FBXL7: variants seen among roughly 807,000 people sequenced by gnomAD.
FBXL7 encodes F-box and leucine rich repeat protein 7.
Under a neutral mutation model 38.3 loss-of-function variants are expected in FBXL7, and 12 were observed. That is an observed-to-expected ratio of 0.31 (90% CI 0.20 to 0.51). The LOEUF (loss-of-function observed/expected upper bound fraction) is 0.51. Among genes scored for constraint, FBXL7 ranks in the 20% least tolerant of loss-of-function variants. FBXL7 has a pLI of 0.98. For synonymous variants in FBXL7, 297 were observed against 300.9 expected (o/e 0.99, Z 0.13); for missense variants, 567 against 676.4 (o/e 0.84, Z 1.79).
chr5:15,729,603 G>A (rs1448990908), intron 2 of FBXL7, among the ~76,000 whole-genome samples: 1 of 152,100 alleles, frequency 6.6e-6, no homozygotes, highest in Non-Finnish European at 1.5e-5. Flanking sequence ...TGTATCAGTA[G>A]TAATGTTTAT....
chr5:15,861,606 T>G (rs1739475110), intron 2 of FBXL7, among the ~76,000 whole-genome samples: 1 of 152,226 alleles, frequency 6.6e-6, no homozygotes, highest in South Asian at 2.1e-4. Flanking sequence ...CCTCTGGTTT[T>G]AAGGCCAAGC....
intron 2 of FBXL7, among the ~76,000 whole-genome samples, chr5:15,722,269 C>T (rs1282485665): frequency 6.6e-6 from 1 of 152,028 alleles, no homozygotes; most frequent in Non-Finnish European, 1.5e-5. Context: ...AATTCATAAC[C>T]ACCCGGAATG....
intron 2 of FBXL7, among the ~76,000 whole-genome samples, chr5:15,663,063 A>G (rs1279441143): frequency 6.6e-6 from 1 of 152,180 alleles, no homozygotes; most frequent in South Asian, 2.1e-4. Flanking sequence ...TGATATGAAT[A>G]GCATTGAATC....
chr5:15,747,493 C>T (rs1028046969), intron 2 of FBXL7, among the ~76,000 whole-genome samples: 1 of 152,120 alleles, frequency 6.6e-6, no homozygotes, highest in African/African-American at 2.4e-5. Context: ...GTCAACCTGG[C>T]CATTAAAGTC....
chr5:15,919,802 T>G (rs968472028), intron 2 of FBXL7, among the ~76,000 whole-genome samples: 8 of 152,214 alleles, frequency 5.3e-5, no homozygotes, highest in Admixed American at 2.6e-4. Flanking sequence ...CACAAACCAT[T>G]CTATTCTTTA....
intron 2 of FBXL7, among the ~76,000 whole-genome samples, chr5:15,851,270 A>G (rs1286842429): frequency 6.6e-6 from 1 of 152,174 alleles, no homozygotes; most frequent in Admixed American, 6.6e-5. Context: ...TTTGAAAGTG[A>G]TGCATAAATG....
rs1743237365 is a variant in FBXL7 at position 15,693,344 on chromosome 5, C to G, written c.127+77272C>G. Among the ~76,000 whole-genome samples the G allele has an allele frequency of 2.6e-5, 4 of 152,302 alleles. No individual in the cohort carries two copies. The South Asian group carries it at 8.3e-4, about 32-fold the overall frequency. ...CCCCCTTCTCTTATTCCCACAGGCA[C>G]AAGCTCCCCCGGGTGCCTGGGAGGA... On this transcript the variant is annotated intron_variant, in intron 2 of 3. Coordinates refer to ENST00000504595, the MANE Select transcript of FBXL7 (RefSeq NM_012304.5).
chr5:15,721,874 G>A lies in FBXL7; in HGVS notation c.127+105802G>A, dbSNP rs185782053. 1.8e-3 allele frequency among the ~76,000 whole-genome samples: 272 copies of A among 151,560 alleles called. 2 individuals are homozygous for A. The highest frequency in any genetic ancestry group is 3.2e-3 in the Non-Finnish European group (214 of 67,896). On this transcript the variant is annotated intron_variant, in intron 2 of 3. Coordinates refer to ENST00000504595, the MANE Select transcript of FBXL7 (RefSeq NM_012304.5). ...TTTTGAGATGGAGTCTCGCTCTGTC[G>A]CCCAGGCTAGAGTGCAGTGGCACGA...
intron 2 of FBXL7, among the ~76,000 whole-genome samples, chr5:15,852,220 A>T (rs1739119015): frequency 1.3e-5 from 2 of 152,194 alleles, no homozygotes; most frequent in South Asian, 4.1e-4. Flanking sequence ...CAAAATAAAG[A>T]TTTTCATTTG....
rs193226583 is a variant in FBXL7 at position 15,580,771 on chromosome 5, G to A, written c.38-35212G>A. On this transcript the variant is annotated intron_variant, in intron 1 of 3. Transcript: ENST00000504595. ...CCCTCCTGGTGTGTGTTTCCAGACC[G>A]TCAAGGGTCCTGGCTGCTCATGGTC... is the stretch of plus-strand genomic sequence containing the variant. The A allele has an allele frequency of 4.0e-3, 3,960 of 985,390 alleles. 10 individuals carry two copies. Among genetic ancestry groups the A allele is most frequent in the Non-Finnish European group, 4.5e-3 (3,736 of 829,932 alleles). The allele number at this position is 985,390 out of a possible 1,614,324, so 61.0% of individuals were successfully genotyped here. A position where few individuals can be genotyped will look rare whatever the true frequency, so the allele number is the denominator to read the frequency against.
At chr5:15,529,299 T>C (rs74567863) in intron 1 of FBXL7, among the ~76,000 whole-genome samples, 3,025 of 152,348 alleles carry the variant, frequency 0.02, 101 homozygotes, top group African/African-American at 0.068. Context: ...ATGCCACATT[T>C]TCTTTACTCG....
intron 2 of FBXL7, among the ~76,000 whole-genome samples, chr5:15,814,047 T>A (rs1052413384): frequency 9.8e-5 from 15 of 152,292 alleles, no homozygotes; most frequent in Admixed American, 1.3e-4. Flanking sequence ...GAACCAGAAA[T>A]ACCATTTGAC....
intron 2 of FBXL7, among the ~76,000 whole-genome samples, chr5:15,623,335 T>C (rs964157328): frequency 5.9e-5 from 9 of 152,228 alleles, no homozygotes; most frequent in Admixed American, 1.3e-4. Context: ...CTCATGATTT[T>C]ATAATAGCCT....
chr5:15,718,161 C>T (rs1744095688), intron 2 of FBXL7, among the ~76,000 whole-genome samples: 1 of 152,088 alleles, frequency 6.6e-6, no homozygotes, highest in South Asian at 2.1e-4. Flanking sequence ...TACTTGCGCA[C>T]ACACAGCCGT....
At chr5:15,789,679 G>A (rs1287509866) in intron 2 of FBXL7, among the ~76,000 whole-genome samples, 1 of 152,222 alleles carries the variant, frequency 6.6e-6, no homozygotes, top group East Asian at 1.9e-4. Flanking sequence ...GTAGACCCCA[G>A]TGTAACCCAC....
intron 2 of FBXL7, among the ~76,000 whole-genome samples, chr5:15,725,944 T>C (rs1472247979): frequency 2.0e-5 from 3 of 152,226 alleles, no homozygotes; most frequent in Non-Finnish European, 2.9e-5. Flanking sequence ...GGTTGTTTTA[T>C]CCATTATTGA....
rs528416950 is a variant in FBXL7 at position 15,833,179 on chromosome 5, T to G, written c.128-94711T>G. On this transcript the variant is annotated intron_variant, in intron 2 of 3. Transcript: ENST00000504595. ...GCAGAATGAAAGCGGACTAATACAC[T>G]TATAAACAACAGAAATCTACTTCTT... 5.9e-4 allele frequency among the ~76,000 whole-genome samples: 90 copies of G among 152,244 alleles called. 3 individuals carry two copies. In the South Asian group the frequency reaches 0.018, roughly 31 times the overall value.
chr5:15,606,505 A>C lies in FBXL7; in HGVS notation c.38-9478A>C, dbSNP rs540171927. On this transcript the variant is annotated intron_variant, in intron 1 of 3. Transcript: ENST00000504595. The stretch of plus-strand genomic sequence containing the variant: ...AGTTATAGACATGGGTATCTTGCTC[A>C]GTGGCCCTGAGGCCGCTTATTAGAT... 2.0e-5 allele frequency among the ~76,000 whole-genome samples: 3 copies of C among 152,366 alleles called. No individual in the cohort carries two copies. The South Asian group carries it at 6.2e-4, about 32-fold the overall frequency.
chr5:15,570,652 C>G (rs1342809290), intron 1 of FBXL7, among the ~76,000 whole-genome samples: 1 of 152,188 alleles, frequency 6.6e-6, no homozygotes, highest in African/African-American at 2.4e-5. Context: ...CCTGTAGCAG[C>G]CCGTGTGTGT....
Sources: gnomAD v4.1 joint callset for allele counts (sites outside exome capture counted in the v4.1 genomes callset) on GRCh38, gnomAD v4.1.1 for gene constraint, MANE v1.5 for transcripts, NCBI Gene and HGNC (gene_info 2026-07-23, HGNC 2026-07-21) for gene names.